The following CLSTN2 variants were observed in gnomAD, a reference collection of about 807,000 sequenced individuals.
The protein encoded by CLSTN2 is calsyntenin-2.
CLSTN2 carries 48 observed loss-of-function variants against 101.2 expected under a neutral mutation model. The ratio of observed to expected loss-of-function variants is 0.47; its 90% CI spans 0.38 to 0.60. The LOEUF is 0.60. CLSTN2 is among the 20% of genes least tolerant of loss of function. CLSTN2 has a pLI of 0.00. For synonymous variants in CLSTN2, 481 were observed against 463.6 expected (o/e 1.04, Z -0.48); for missense variants, 1,160 against 1,238.2 (o/e 0.94, Z 0.95).
At chr3:140,372,256 G>C (rs188682267) in intron 2 of CLSTN2, among the ~76,000 whole-genome samples, 8 of 152,196 alleles carry the variant, frequency 5.3e-5, no homozygotes, top group Non-Finnish European at 8.8e-5. Flanking sequence ...CCCGTTGCTG[G>C]TCTCATCTAT....
At chr3:140,264,375 A>AATATATATATATATATATATAT (rs61248635) in intron 2 of CLSTN2, among the ~76,000 whole-genome samples, 1 of 98,520 alleles carries the variant, frequency 1.0e-5, no homozygotes. Context: ...TAATGAATCA[A>AATATATATATATATATATATAT]ATATATATAT....
intron 6 of CLSTN2, among the ~76,000 whole-genome samples, chr3:140,459,232 C>G (rs1933494546): frequency 6.6e-6 from 1 of 152,170 alleles, no homozygotes. Flanking sequence ...GTAAGAGCCC[C>G]CAGGGTTTTT....
intron 2 of CLSTN2, among the ~76,000 whole-genome samples, chr3:140,256,650 A>G (rs2107879677): frequency 6.6e-6 from 1 of 152,346 alleles, no homozygotes; most frequent in East Asian, 1.9e-4. Flanking sequence ...TGGACCTGAC[A>G]TTCTAGGAAA....
At chr3:139,980,336 T>C (rs958470087) in intron 1 of CLSTN2, among the ~76,000 whole-genome samples, 2 of 152,122 alleles carry the variant, frequency 1.3e-5, no homozygotes, top group Non-Finnish European at 2.9e-5. Context: ...GCCTTTGCAC[T>C]TGCCGTTCCC....
chr3:140,096,651 AT>A (rs767499313), intron 1 of CLSTN2, among the ~76,000 whole-genome samples: 3 of 152,188 alleles, frequency 2.0e-5, no homozygotes, highest in Non-Finnish European at 4.4e-5. Context: ...TTCACTGCAG[AT>A]AGAGATCCAT....
At position 140,567,504 on chromosome 3, in the gene CLSTN2, A is replaced by G. The variant is rs866466652; in HGVS notation, c.*1251A>G. The G allele has an allele frequency of 6.6e-6, 1 of 152,160 alleles. No individual in the cohort carries two copies. Among genetic ancestry groups the G allele is most frequent in the South Asian group, 2.1e-4 (1 of 4,828 alleles). 9.4% of individuals were successfully genotyped at this position (152,160 alleles called of 1,614,324 possible). On this transcript the variant is annotated 3_prime_UTR_variant, in exon 17 of 17. Transcript: ENST00000458420. ...AAAACCTAATTTCTTTCTTTTTTTG[A>G]TAAGGAAATCTTTTCCATCTCCATC...
intron 1 of CLSTN2, among the ~76,000 whole-genome samples, chr3:139,969,518 AC>A (rs1384513485): frequency 6.6e-6 from 1 of 152,146 alleles, no homozygotes; most frequent in Non-Finnish European, 1.5e-5. Flanking sequence ...TCTTCTTGTT[AC>A]CAACTACATA....
chr3:140,381,292 C>A (rs760042752), intron 2 of CLSTN2, among the ~76,000 whole-genome samples: 1 of 152,110 alleles, frequency 6.6e-6, no homozygotes, highest in Non-Finnish European at 1.5e-5. Context: ...TTAGAGCCCA[C>A]CCTAGTGACT....
At chr3:140,388,749 A>G (rs978823036) in intron 2 of CLSTN2, among the ~76,000 whole-genome samples, 1 of 152,234 alleles carries the variant, frequency 6.6e-6, no homozygotes, top group African/African-American at 2.4e-5. Flanking sequence ...CTTGGCACAT[A>G]TTAAGTATTC....
At chr3:140,187,160 C>A (rs2010496696) in intron 2 of CLSTN2, among the ~76,000 whole-genome samples, 1 of 152,122 alleles carries the variant, frequency 6.6e-6, no homozygotes, top group South Asian at 2.1e-4. Flanking sequence ...TGGGCCATTC[C>A]TCTTGGCTGC....
intron 1 of CLSTN2, among the ~76,000 whole-genome samples, chr3:139,955,662 G>A (rs1935381786): frequency 1.5e-4 from 1 of 6,576 alleles, no homozygotes; most frequent in East Asian, 0.5. Flanking sequence ...CCTCTTCGAA[G>A]TCATCTAGAG....
At chr3:140,552,401 TAA>T (rs5852986) in intron 10 of CLSTN2, among the ~76,000 whole-genome samples, 5,001 of 138,824 alleles carry the variant, frequency 0.036, 83 homozygotes, top group East Asian at 0.057. Context: ...TACCGCAGTT[TAA>T]AAAAAAAAAA....
intron 9 of CLSTN2, 27 bp downstream of exon 9, chr3:140,532,513 T>C: frequency 1.3e-6 from 2 of 1,593,646 alleles, no homozygotes; most frequent in Non-Finnish European, 8.6e-7. Context: ...CCCTTTTCTC[T>C]GACCTGTTTG....
At chr3:140,164,548 C>T (rs970958136) in intron 1 of CLSTN2, among the ~76,000 whole-genome samples, 7 of 152,168 alleles carry the variant, frequency 4.6e-5, no homozygotes, top group Non-Finnish European at 1.0e-4. Flanking sequence ...CTAAAATATC[C>T]TGTTGGTATG....
chr3:140,473,295 C>G (rs891686949), intron 8 of CLSTN2, among the ~76,000 whole-genome samples: 2 of 152,180 alleles, frequency 1.3e-5, no homozygotes, highest in African/African-American at 4.8e-5. Flanking sequence ...CCTGGCACCT[C>G]TGGGCTCTGT....
intron 8 of CLSTN2, among the ~76,000 whole-genome samples, chr3:140,494,388 C>T (rs1179817151): frequency 6.6e-6 from 1 of 152,148 alleles, no homozygotes; most frequent in Non-Finnish European, 1.5e-5. Flanking sequence ...GTTATCAAGC[C>T]GGATACCTCT....
intron 1 of CLSTN2, among the ~76,000 whole-genome samples, chr3:140,097,823 G>A (rs1203873182): frequency 6.6e-6 from 1 of 152,160 alleles, no homozygotes; most frequent in Non-Finnish European, 1.5e-5. Flanking sequence ...AAGATTAGGA[G>A]ATAAAGAATG....
chr3:140,085,421 A>C (rs2008665626), intron 1 of CLSTN2, among the ~76,000 whole-genome samples: 1 of 152,170 alleles, frequency 6.6e-6, no homozygotes, highest in African/African-American at 2.4e-5. Flanking sequence ...GCTGGTATTT[A>C]ACCACACTAG....
At chr3:139,937,636 C>A (rs984771021) in intron 1 of CLSTN2, among the ~76,000 whole-genome samples, 1 of 151,574 alleles carries the variant, frequency 6.6e-6, no homozygotes, top group East Asian at 1.9e-4. Flanking sequence ...CCCAGCTACT[C>A]GGGAGGCTGA....
Sources: allele counts gnomAD v4.1 joint callset (sites outside exome capture counted in the v4.1 genomes callset), GRCh38; gene constraint gnomAD v4.1.1; transcripts MANE v1.5; gene names NCBI Gene and HGNC (gene_info 2026-07-23, HGNC 2026-07-21).